FIGLA: variants seen among roughly 807,000 people sequenced by gnomAD.
FIGLA encodes the protein folliculogenesis specific bHLH transcription factor, also known as factor in the germline alpha.
In FIGLA, 17 loss-of-function variants were observed where a neutral mutation model predicts 21.5. The observed-to-expected ratio is 0.79, with a 90% CI of 0.54 to 1.19. The LOEUF (loss-of-function observed/expected upper bound fraction) is 1.19, where lower values mean the gene tolerates loss of function less well. Among genes scored for constraint, FIGLA ranks in the 50% most tolerant of loss-of-function variants. The pLI is 0.00. For synonymous variants in FIGLA, 129 were observed against 117.6 expected (o/e 1.10, Z -0.63); for missense variants, 282 against 285.0 (o/e 0.99, Z 0.08).
At chr2:70,787,830 C>T (rs782516668) in intron 1 of FIGLA, 29 bp from the exon 2 acceptor site, 2 of 1,605,432 alleles carry the variant, frequency 1.2e-6, no homozygotes, top group Non-Finnish European at 1.7e-6. Flanking sequence ...CAGTAACACA[C>T]AGAGAAGCCA....
At chr2:70,787,894 T>A (rs1675984542) in intron 1 of FIGLA, 93 bp from the exon 2 acceptor site, 1 of 1,323,954 alleles carries the variant, frequency 7.6e-7, no homozygotes, top group Non-Finnish European at 1.0e-6. Context: ...CACTGCCTCC[T>A]TGTCTGAGTG....
At chr2:70,781,215 A>T (rs556509642) in intron 3 of FIGLA, among the ~76,000 whole-genome samples, 1 of 152,286 alleles carries the variant, frequency 6.6e-6, no homozygotes, top group South Asian at 2.1e-4. Context: ...CAAGTGGGTG[A>T]GGAGAACAGC....
chr2:70,787,303 T>A (rs1342450723), intron 2 of FIGLA, among the ~76,000 whole-genome samples: 1 of 152,108 alleles, frequency 6.6e-6, no homozygotes, highest in Non-Finnish European at 1.5e-5. Flanking sequence ...CCAAAGTGCT[T>A]TTAGGAAAGC....
chr2:70,782,927 T>C (rs6718992), intron 3 of FIGLA, among the ~76,000 whole-genome samples: 100,042 of 151,658 alleles, frequency 0.66, 34,135 homozygotes, highest in East Asian at 0.9. Context: ...ATTAGCTGGG[T>C]GTGGTGGTGT....
chr2:70,781,464 T>C (rs1675855135), intron 3 of FIGLA, among the ~76,000 whole-genome samples: 1 of 152,160 alleles, frequency 6.6e-6, no homozygotes, highest in Non-Finnish European at 1.5e-5. Context: ...TAAAAAATGA[T>C]AGTATATAAT....
intron 3 of FIGLA, among the ~76,000 whole-genome samples, chr2:70,778,735 T>A (rs1466983982): frequency 1.3e-5 from 2 of 152,200 alleles, no homozygotes; most frequent in Non-Finnish European, 2.9e-5. Flanking sequence ...CATTAAAAAT[T>A]GGCTGTTGGT....
chr2:70,787,722 A>G lies in FIGLA; in HGVS notation c.311T>C (p.Val104Ala), dbSNP rs782196840. 1.2e-6 allele frequency: 2 copies of G among 1,611,546 alleles called. No individual in the cohort carries two copies. Among genetic ancestry groups the G allele is most frequent in the South Asian group, 1.1e-5 (1 of 90,158 alleles). The change falls in exon 2 of 5, where the codon GTT (valine) becomes GCT (alanine). Residue 104 changes from valine (V) to alanine (A), a missense_variant. Coordinates refer to ENST00000332372, the MANE Select transcript of FIGLA (RefSeq NM_001004311.3). ...FLPQSRKPSKVDILKGATEYI... is the reference protein window; with the variant it reads ...FLPQSRKPSKADILKGATEYI... ...TTCAGTCGCACCTTTAAGGATATCAACTTTGCTGGGCTTCCTGCTTTGGGG... is the reference window on the plus strand; with the variant it reads ...TTCAGTCGCACCTTTAAGGATATCAGCTTTGCTGGGCTTCCTGCTTTGGGG...
chr2:70,777,690 A>C lies in FIGLA; in HGVS notation c.610-19T>G. 7.9e-7 allele frequency: 1 copy of C among 1,264,810 alleles called. No homozygotes were observed. The highest frequency in any genetic ancestry group is 1.2e-6 in the Non-Finnish European group (1 of 869,358). 78.3% of individuals were successfully genotyped at this position (1,264,810 alleles called of 1,614,324 possible). A position where few individuals can be genotyped will look rare whatever the true frequency, so the allele number is the denominator to read the frequency against. ...ATCTATCCTGCAAAAACAATACAAA[A>C]TACAGAAAGGGCTAAACACATCGGT... On this transcript the variant is annotated intron_variant, in intron 3 of 4. Coordinates refer to ENST00000332372, the MANE Select transcript of FIGLA (RefSeq NM_001004311.3).
intron 1 of FIGLA, among the ~76,000 whole-genome samples, chr2:70,789,209 A>G (rs1676013154): frequency 6.6e-6 from 1 of 152,150 alleles, no homozygotes; most frequent in Non-Finnish European, 1.5e-5. Context: ...GGGTGGATAT[A>G]CACAAAAATG....
In FIGLA at chr2:70,785,602, C is replaced by G. The variant is rs7566476; in HGVS notation, c.422G>C (p.Ser141Thr). ...TGCCGAGGATGTATGTGATTCAGAA[C>G]TGTTGTTACTATAGCTCTGCTCATC... is the stretch of plus-strand genomic sequence containing the variant. ...DPDEQSYSNN[S>T]SESHTSSARQ... Residue 141 changes from serine (S) to threonine (T), a missense_variant, in exon 3 of 5, where the codon AGT becomes ACT. Transcript: ENST00000332372. 0.57 allele frequency: 924,973 copies of G among 1,613,180 alleles called. 273,140 individuals carry two copies. The highest frequency in any genetic ancestry group is 0.92 in the East Asian group (41,095 of 44,884).
chr2:70,780,955 G>A (rs113364616), intron 3 of FIGLA, among the ~76,000 whole-genome samples: 3 of 152,210 alleles, frequency 2.0e-5, no homozygotes, highest in Non-Finnish European at 2.9e-5. Context: ...GGATGAGAAC[G>A]GCAGCCCCAT....
At chr2:70,789,672 G>T (rs909731594) in intron 1 of FIGLA, among the ~76,000 whole-genome samples, 1 of 152,068 alleles carries the variant, frequency 6.6e-6, no homozygotes, top group Admixed American at 6.6e-5. Context: ...CTCTCTCCTG[G>T]ATTCGCCTCT....
Position 70,785,518 on chromosome 2 carries a change from T to TCA in FIGLA, c.504_505dup (p.Glu169ValfsTer23). On this transcript the variant is annotated frameshift_variant, in exon 3 of 5. Transcript: ENST00000332372. LOFTEE classifies it high-confidence loss of function. ...ACCATCTGCCCAAGGCCCTTCCTCT[T>TCA]CATTCTTCAAGCCGAAAGCACAGCT... 1 of 1,614,014 alleles carries TCA rather than the reference T, an allele frequency of 6.2e-7. No homozygotes were observed. The highest frequency in any genetic ancestry group is 2.2e-5 in the East Asian group (1 of 44,886).
At chr2:70,789,697 C>G (rs1676022988) in intron 1 of FIGLA, among the ~76,000 whole-genome samples, 1 of 152,162 alleles carries the variant, frequency 6.6e-6, no homozygotes, top group South Asian at 2.1e-4. Context: ...CAACCAAACC[C>G]GTAGACTGCA....
chr2:70,786,436 T>C (rs1290995516), intron 2 of FIGLA, among the ~76,000 whole-genome samples: 1 of 151,834 alleles, frequency 6.6e-6, no homozygotes, highest in Non-Finnish European at 1.5e-5. Flanking sequence ...CCTGAGTAGC[T>C]GGGACTACCG....
chr2:70,780,946 G>T (rs1558597159), intron 3 of FIGLA, among the ~76,000 whole-genome samples: 1 of 152,172 alleles, frequency 6.6e-6, no homozygotes, highest in Non-Finnish European at 1.5e-5. Flanking sequence ...GCCCAATCAG[G>T]ATGAGAACGG....
chr2:70,777,541 A>G, intron 4 of FIGLA, 96 bp downstream of exon 4: 1 of 1,525,220 alleles, frequency 6.6e-7, no homozygotes. Context: ...CTTTTAATAG[A>G]GCTCATTGCT....
At chr2:70,787,851 A>T in intron 1 of FIGLA, 50 bp from the exon 2 acceptor site, 1 of 1,582,128 alleles carries the variant, frequency 6.3e-7, no homozygotes, top group South Asian at 1.2e-5. Flanking sequence ...ATTTGTATAG[A>T]CATCTCCCCA....
At position 70,787,782 on chromosome 2, in the gene FIGLA, C is replaced by G. The variant is rs1442566305; in HGVS notation, c.251G>C (p.Gly84Ala). 6.2e-7 allele frequency: 1 copy of G among 1,612,522 alleles called. No individual in the cohort carries two copies. The highest frequency in any genetic ancestry group is 8.5e-7 in the Non-Finnish European group (1 of 1,179,556). The part of the protein sequence containing the change: ...ERERIKNLNR[G>A]FARLKALVPF... The stretch of plus-strand genomic sequence containing the variant: ...CACAAGTGCCTTCAATCTGGCAAAA[C>G]CACGGTTGAGATTTTTTATCTAGAA... Residue 84 changes from glycine to alanine, a missense_variant, in exon 2 of 5, where the codon GGT becomes GCT. Physicochemically the swap from Gly to Ala is moderately conservative, Grantham distance 60. Transcript: ENST00000332372.
Sources: gnomAD v4.1 joint callset for allele counts (sites outside exome capture counted in the v4.1 genomes callset) on GRCh38, gnomAD v4.1.1 for gene constraint, MANE v1.5 for transcripts, NCBI Gene and HGNC (gene_info 2026-07-23, HGNC 2026-07-21) for gene names.